Variants in HCN1 observed in about 807,000 individuals in gnomAD.
HCN1 encodes the protein hyperpolarization activated cyclic nucleotide gated potassium channel 1.
A neutral mutation model predicts 78.9 loss-of-function variants in HCN1; 13 were observed. That is an observed-to-expected ratio of 0.16 (90% CI 0.11 to 0.26). The LOEUF (loss-of-function observed/expected upper bound fraction) is 0.26, where lower values mean the gene tolerates loss of function less well. HCN1 is among the 10% of genes least tolerant of loss of function. The pLI, the probability that HCN1 is intolerant of heterozygous loss-of-function variation, is 1.00. For synonymous variants in HCN1, 552 were observed against 455.5 expected, an observed-to-expected ratio of 1.21 and a Z score of -2.70; for missense variants, 810 against 1,154.3, an observed-to-expected ratio of 0.70 and a Z score of 4.32.
At chr5:45,350,367 G>A (rs865776270) in intron 5 of HCN1, among the ~76,000 whole-genome samples, 390 of 152,124 alleles carry the variant, frequency 2.6e-3, no homozygotes, top group Non-Finnish European at 4.6e-3. Context: ...TATTGATGGG[G>A]CGTATCTCAA....
At chr5:45,456,550 G>T (rs1369354191) in intron 3 of HCN1, among the ~76,000 whole-genome samples, 1 of 151,330 alleles carries the variant, frequency 6.6e-6, no homozygotes, top group East Asian at 1.9e-4. Context: ...CCTTGACTTG[G>T]GTTAAATTAT....
intron 3 of HCN1, among the ~76,000 whole-genome samples, chr5:45,409,120 C>T (rs1410455293): frequency 1.3e-5 from 2 of 151,956 alleles, no homozygotes. Context: ...AGAATTTGGA[C>T]TTTTTATGAT....
chr5:45,658,019 G>A (rs1745810418), intron 1 of HCN1, among the ~76,000 whole-genome samples: 1 of 152,188 alleles, frequency 6.6e-6, no homozygotes, highest in African/African-American at 2.4e-5. Context: ...AACCAAAACA[G>A]CATGGTACTG....
chr5:45,258,456 C>A lies in HCN1; in HGVS notation c.*3465G>T, dbSNP rs1321723788. On this transcript the variant is annotated 3_prime_UTR_variant, in exon 8 of 8. Coordinates refer to ENST00000303230, the MANE Select transcript of HCN1 (RefSeq NM_021072.4). ...GGGAATTGTTCACTTATGAAGAGGT[C>A]ATCCAGACCTGGAGACAAGCTACTT... The A allele has an allele frequency of 1.3e-5, 2 of 152,128 alleles. No homozygotes were observed. Among genetic ancestry groups the A allele is most frequent in the Admixed American group, 1.3e-4 (2 of 15,268 alleles). The allele number at this position is 152,128 out of a possible 1,614,324, so 9.4% of individuals were successfully genotyped here. A position where few individuals can be genotyped will look rare whatever the true frequency, so the allele number is the denominator to read the frequency against.
intron 5 of HCN1, among the ~76,000 whole-genome samples, chr5:45,337,014 G>C (rs774483434): frequency 6.6e-6 from 1 of 151,908 alleles, no homozygotes; most frequent in Non-Finnish European, 1.5e-5. Flanking sequence ...ACTCACCTTA[G>C]TAGCAATATA....
chr5:45,291,331 T>G (rs1030755507), intron 6 of HCN1, among the ~76,000 whole-genome samples: 11 of 152,004 alleles, frequency 7.2e-5, no homozygotes, highest in Non-Finnish European at 1.3e-4. Flanking sequence ...TATATCATGT[T>G]CTGTGTATGC....
In HCN1 at chr5:45,375,917, A is replaced by ATTT. The variant is rs1421076787; in HGVS notation, c.1230+20574_1230+20575insAAA. Among the ~76,000 whole-genome samples, 7 of 122,320 alleles carry ATTT rather than the reference A, an allele frequency of 5.7e-5. 1 individual carries two copies. The highest frequency in any genetic ancestry group is 2.3e-4 in the African/African-American group (7 of 30,472). 80.2% of individuals were successfully genotyped at this position (122,320 alleles called of 152,430 possible). A position where few individuals can be genotyped will look rare whatever the true frequency, so the allele number is the denominator to read the frequency against. ...TATATGATATAATATTTTATCTTAT[A>ATTT]TATTATATATGATATAATATTTTAT... is the stretch of plus-strand genomic sequence containing the variant. On this transcript the variant is annotated intron_variant, in intron 4 of 7. Coordinates refer to ENST00000303230, the MANE Select transcript of HCN1 (RefSeq NM_021072.4).
chr5:45,301,097 A>G (rs1008445253), intron 6 of HCN1, among the ~76,000 whole-genome samples: 2 of 152,046 alleles, frequency 1.3e-5, no homozygotes, highest in African/African-American at 4.8e-5. Flanking sequence ...AAAAAAATTC[A>G]CTTACCAAAA....
intron 6 of HCN1, among the ~76,000 whole-genome samples, chr5:45,296,254 G>A (rs1189057571): frequency 6.6e-6 from 1 of 151,814 alleles, no homozygotes; most frequent in Admixed American, 6.6e-5. Context: ...ACACACCTCA[G>A]CAAATAGAAA....
chr5:45,669,777 T>G (rs1183990938), intron 1 of HCN1, among the ~76,000 whole-genome samples: 5 of 151,792 alleles, frequency 3.3e-5, no homozygotes, highest in Non-Finnish European at 2.9e-5. Context: ...AAGAACAAAT[T>G]GCAAACAGTG....
chr5:45,260,890 A>AT lies in HCN1; in HGVS notation c.*1030dup, dbSNP rs970447924. The AT allele has an allele frequency of 4.6e-4, 70 of 151,758 alleles. No homozygotes were observed. Among genetic ancestry groups the AT allele is most frequent in the South Asian group, 1.3e-3 (6 of 4,782 alleles). The allele number at this position is 151,758 out of a possible 1,614,324, so 9.4% of individuals were successfully genotyped here. A position where few individuals can be genotyped will look rare whatever the true frequency, so the allele number is the denominator to read the frequency against. ...TCTCTACAATGACTGATTTGAACCT[A>AT]TTTTTTTTTCCCCAGAAGCATGCAG... On this transcript the variant is annotated 3_prime_UTR_variant, in exon 8 of 8. Transcript: ENST00000303230.
chr5:45,590,353 C>T (rs1392638542), intron 2 of HCN1, among the ~76,000 whole-genome samples: 1 of 152,120 alleles, frequency 6.6e-6, no homozygotes, highest in Non-Finnish European at 1.5e-5. Context: ...CAGAGATTTC[C>T]CATCTACCCA....
intron 4 of HCN1, among the ~76,000 whole-genome samples, chr5:45,369,449 A>G (rs1747303728): frequency 6.6e-6 from 1 of 152,030 alleles, no homozygotes; most frequent in South Asian, 2.1e-4. Flanking sequence ...AATAACCTGT[A>G]TGGGCCTATG....
chr5:45,386,179 ATT>A (rs10696140), intron 4 of HCN1, among the ~76,000 whole-genome samples: 13 of 137,868 alleles, frequency 9.4e-5, no homozygotes, highest in Admixed American at 1.5e-4. Flanking sequence ...TTGCTTATAG[ATT>A]TTTTTTTTTT....
rs778783214 is a variant in HCN1 at position 45,262,738 on chromosome 5, T to G, written c.1856A>C (p.Asn619Thr). Residue 619 changes from asparagine (N) to threonine (T), a missense_variant, in exon 8 of 8, where the codon AAC becomes ACC. By Grantham distance (65) the Asn-to-Thr change is moderately conservative (BLOSUM62 0). Transcript: ENST00000303230. ...TTTCACAATCTGCTTGAGGATTTCG[T>G]TCTCCTGATTGTTGAAAACACCAGT... Reference protein sequence around the residue: ...LNTGVFNNQENEILKQIVKHD... With the variant: ...LNTGVFNNQETEILKQIVKHD... The G allele has an allele frequency of 8.1e-6, 13 of 1,614,180 alleles. No individual in the cohort carries two copies. The highest frequency in any genetic ancestry group is 1.0e-5 in the Non-Finnish European group (12 of 1,180,032).
chr5:45,313,988 C>A (rs1204764162), intron 5 of HCN1, among the ~76,000 whole-genome samples: 1 of 152,048 alleles, frequency 6.6e-6, no homozygotes, highest in Non-Finnish European at 1.5e-5. Flanking sequence ...CAAGGCAGGC[C>A]AACATTCAAA....
At chr5:45,660,487 C>A (rs1478907534) in intron 1 of HCN1, among the ~76,000 whole-genome samples, 4 of 149,614 alleles carry the variant, frequency 2.7e-5, no homozygotes, top group Non-Finnish European at 5.9e-5. Context: ...CTAAATTCTG[C>A]AATTAAAAAA....
At chr5:45,593,878 G>C (rs1359804395) in intron 2 of HCN1, among the ~76,000 whole-genome samples, 1 of 152,062 alleles carries the variant, frequency 6.6e-6, no homozygotes, top group Non-Finnish European at 1.5e-5. Flanking sequence ...GTTTCACCAT[G>C]TTGGTCAGGC....
intron 1 of HCN1, among the ~76,000 whole-genome samples, chr5:45,687,785 A>G (rs1011162262): frequency 1.3e-5 from 2 of 152,118 alleles, no homozygotes; most frequent in Non-Finnish European, 2.9e-5. Context: ...CACAGCCTCA[A>G]TGTACACATG....
Sources: allele counts gnomAD v4.1 joint callset (sites outside exome capture counted in the v4.1 genomes callset), GRCh38; gene constraint gnomAD v4.1.1; transcripts MANE v1.5; gene names NCBI Gene and HGNC (gene_info 2026-07-23, HGNC 2026-07-21).